The following GPC5 variants were observed in gnomAD, a reference collection of about 807,000 sequenced individuals.
The protein encoded by GPC5 is glypican 5.
In GPC5, 47 loss-of-function variants were observed where a neutral mutation model predicts 53.9. The ratio of observed to expected loss-of-function variants is 0.87; its 90% CI spans 0.69 to 1.11. The LOEUF (loss-of-function observed/expected upper bound fraction) is 1.11. GPC5 is among the 50% of genes most tolerant of loss of function. The pLI, the probability that GPC5 is intolerant of heterozygous loss-of-function variation, is 0.00. For synonymous variants in GPC5, 286 were observed against 263.3 expected (o/e 1.09, Z -0.84); for missense variants, 748 against 713.1 (o/e 1.05, Z -0.56).
chr13:91,559,415 CTTCTA>C (rs1210970185), intron 2 of GPC5, among the ~76,000 whole-genome samples: 1 of 152,100 alleles, frequency 6.6e-6, no homozygotes, highest in African/African-American at 2.4e-5. Flanking sequence ...AACCAGGGAG[CTTCTA>C]TGATGGCCAT....
In GPC5 at chr13:92,713,856, G is replaced by A. The variant is rs187753353; in HGVS notation, c.1562-152426G>A. Among the ~76,000 whole-genome samples, 11 of 152,210 alleles carry A rather than the reference G, an allele frequency of 7.2e-5. No individual in the cohort carries two copies. The East Asian group carries it at 2.1e-3, about 29-fold the overall frequency. On this transcript the variant is annotated intron_variant, in intron 7 of 7. Transcript: ENST00000377067. ...TGGATCACTCATATGTTGCTGTTGG[G>A]ACTTACAAAATGTTACACCCGTTCT...
intron 6 of GPC5, among the ~76,000 whole-genome samples, chr13:91,964,942 A>T (rs1022747245): frequency 6.6e-6 from 1 of 152,114 alleles, no homozygotes; most frequent in South Asian, 2.1e-4. Flanking sequence ...AGGGACATGG[A>T]TGAAGCTGGA....
intron 3 of GPC5, among the ~76,000 whole-genome samples, chr13:91,726,347 G>T (rs749393999): frequency 6.6e-6 from 1 of 152,102 alleles, no homozygotes; most frequent in Non-Finnish European, 1.5e-5. Flanking sequence ...GCCTTGAATG[G>T]TTTTCTCTCT....
rs564202589 is a variant in GPC5 at position 91,648,875 on chromosome 13, C to T, written c.326-44312C>T. ...GTACAACTTGAGAATCAGTACAGTG[C>T]GGTATCAAGAGTGTGGACTCTGAAT... On this transcript the variant is annotated intron_variant, in intron 2 of 7. Coordinates refer to ENST00000377067, the MANE Select transcript of GPC5 (RefSeq NM_004466.6). Among the ~76,000 whole-genome samples the T allele has an allele frequency of 5.3e-5, 8 of 152,238 alleles. No homozygotes were observed. In the East Asian group the frequency reaches 5.8e-4, roughly 11 times the overall value.
At chr13:91,968,411 T>A (rs531282521) in intron 6 of GPC5, among the ~76,000 whole-genome samples, 1 of 152,272 alleles carries the variant, frequency 6.6e-6, no homozygotes, top group East Asian at 1.9e-4. Context: ...TGTTGAAATT[T>A]AATATTAATA....
intron 6 of GPC5, among the ~76,000 whole-genome samples, chr13:92,129,055 A>G (rs1191577895): frequency 6.6e-6 from 1 of 152,168 alleles, no homozygotes; most frequent in Admixed American, 6.5e-5. Context: ...CCTCAAAAAC[A>G]TGGCCAACCC....
chr13:92,317,134 C>T (rs989102933), intron 7 of GPC5, among the ~76,000 whole-genome samples: 8 of 152,004 alleles, frequency 5.3e-5, no homozygotes, highest in Non-Finnish European at 4.4e-5. Context: ...TATTAATGTG[C>T]CTTTGTCCAG....
At chr13:91,909,704 G>C (rs1211825802) in intron 6 of GPC5, among the ~76,000 whole-genome samples, 1 of 152,034 alleles carries the variant, frequency 6.6e-6, no homozygotes, top group Non-Finnish European at 1.5e-5. Context: ...TGTTCCATAA[G>C]AAGTGCACAG....
At chr13:91,888,588 C>T (rs2039351423) in intron 5 of GPC5, among the ~76,000 whole-genome samples, 1 of 152,110 alleles carries the variant, frequency 6.6e-6, no homozygotes, top group East Asian at 1.9e-4. Flanking sequence ...TTGTACAAGA[C>T]ATACACAATA....
intron 5 of GPC5, among the ~76,000 whole-genome samples, chr13:91,803,959 C>T (rs1016559149): frequency 1.4e-4 from 22 of 151,902 alleles, no homozygotes; most frequent in Admixed American, 2.6e-4. Context: ...GTGAAAGAGA[C>T]ACAACAAGGG....
intron 6 of GPC5, among the ~76,000 whole-genome samples, chr13:92,036,420 C>A (rs2138816488): frequency 6.6e-6 from 1 of 152,240 alleles, no homozygotes; most frequent in South Asian, 2.1e-4. Context: ...CAAGTTATAG[C>A]AAATATTATA....
intron 7 of GPC5, among the ~76,000 whole-genome samples, chr13:92,409,380 T>A (rs1875944901): frequency 6.6e-6 from 1 of 151,778 alleles, no homozygotes; most frequent in South Asian, 2.1e-4. Flanking sequence ...AGAATCCCAA[T>A]GAAAAAATGA....
At chr13:92,669,896 A>T (rs1463833975) in intron 7 of GPC5, among the ~76,000 whole-genome samples, 1 of 152,182 alleles carries the variant, frequency 6.6e-6, no homozygotes, top group Non-Finnish European at 1.5e-5. Context: ...CACCTCTGGG[A>T]CAATGTACCG....
At chr13:91,632,862 C>G (rs546377979) in intron 2 of GPC5, among the ~76,000 whole-genome samples, 1 of 152,040 alleles carries the variant, frequency 6.6e-6, no homozygotes, top group Admixed American at 6.6e-5. Context: ...CATCTTCTGC[C>G]GAGGTAGTTC....
At chr13:91,532,531 G>A (rs1236827051) in intron 2 of GPC5, among the ~76,000 whole-genome samples, 1 of 152,060 alleles carries the variant, frequency 6.6e-6, no homozygotes, top group Admixed American at 6.5e-5. Context: ...CTATTCTTGG[G>A]TCTGAAGAAA....
At chr13:92,036,276 T>C (rs570376967) in intron 6 of GPC5, among the ~76,000 whole-genome samples, 2 of 152,234 alleles carry the variant, frequency 1.3e-5, no homozygotes, top group Admixed American at 6.5e-5. Flanking sequence ...GTTCCTTCTA[T>C]AATTGGATGC....
At chr13:92,334,586 AG>A (rs2043309780) in intron 7 of GPC5, among the ~76,000 whole-genome samples, 1 of 152,154 alleles carries the variant, frequency 6.6e-6, no homozygotes, top group Admixed American at 6.5e-5. Flanking sequence ...TTAACTGAAA[AG>A]TCCAAGTCCA....
At chr13:92,855,781 A>G (rs1265360971) in intron 7 of GPC5, among the ~76,000 whole-genome samples, 1 of 151,904 alleles carries the variant, frequency 6.6e-6, no homozygotes, top group Non-Finnish European at 1.5e-5. Context: ...GAAACACACC[A>G]CCTCCCAAGA....
At chr13:92,744,700 A>G (rs1470729922) in intron 7 of GPC5, among the ~76,000 whole-genome samples, 6 of 152,110 alleles carry the variant, frequency 3.9e-5, no homozygotes, top group African/African-American at 1.4e-4. Flanking sequence ...CGCTAATTGA[A>G]AATTTATGGC....
Sources: gnomAD v4.1 joint callset for allele counts (sites outside exome capture counted in the v4.1 genomes callset) on GRCh38, gnomAD v4.1.1 for gene constraint, MANE v1.5 for transcripts, NCBI Gene and HGNC (gene_info 2026-07-23, HGNC 2026-07-21) for gene names.